ATXN8OS: variants seen among roughly 807,000 people sequenced by gnomAD.
ATXN8OS encodes the protein ATXN8 opposite strand (non-protein coding).
At chr13:70,167,555 A>T (rs1276607075) in intron 4 of ATXN8OS, among the ~76,000 whole-genome samples, 1 of 151,872 alleles carries the variant, frequency 6.6e-6, no homozygotes. Context: ...GATATACCTA[A>T]TGCTAAATGA....
intron 1 of ATXN8OS, among the ~76,000 whole-genome samples, chr13:70,111,185 G>T (rs185206740): frequency 2.0e-5 from 3 of 152,276 alleles, no homozygotes; most frequent in Admixed American, 2.0e-4. Flanking sequence ...AGTCAAGCAT[G>T]GGTGTAAAAT....
At chr13:70,139,181 G>A (rs1231904552) in intron 3 of ATXN8OS, 3 of 411,012 alleles carry the variant, frequency 7.3e-6, no homozygotes, top group Non-Finnish European at 8.6e-6. Context: ...TTACTTCTGA[G>A]ACATTCTATA....
rs1593755731 is a variant in ATXN8OS, at chr13:70,115,014, GCT to G, written n.241-122_241-121del. ...AGACTCCTGGTATTCTCAAAATTGA[GCT>G]CTCTTTCTAACGTGTGTGTGTGTGT... On this transcript the variant is annotated intron_variant and non_coding_transcript_variant, in intron 1 of 4. Coordinates refer to ENST00000678624, the Ensembl canonical transcript of ATXN8OS. The G allele has an allele frequency of 7.2e-5, 28 of 386,520 alleles. No homozygotes were observed. In the East Asian group the frequency reaches 1.0e-3, roughly 14 times the overall value. The allele number at this position is 386,520 out of a possible 1,614,324, so 23.9% of individuals were successfully genotyped here.
At chr13:70,147,471 C>T (rs2137496749) in intron 4 of ATXN8OS, among the ~76,000 whole-genome samples, 1 of 152,216 alleles carries the variant, frequency 6.6e-6, no homozygotes, top group South Asian at 2.1e-4. Flanking sequence ...TTACTCTCTT[C>T]AGTGTTTTCT....
intron 4 of ATXN8OS, among the ~76,000 whole-genome samples, chr13:70,164,586 A>G (rs955863129): frequency 3.3e-5 from 5 of 152,092 alleles, no homozygotes; most frequent in African/African-American, 1.2e-4. Context: ...TCATCTGAGC[A>G]TAAGTGAAGG....
Position 70,139,383 on chromosome 13 carries a change from A to ACTACTACTACTACTACTGCTG in ATXN8OS, n.500-7970_500-7969insACTACTACTACTACTGCTGCT. On this transcript the variant is annotated intron_variant and non_coding_transcript_variant, in intron 3 of 4. Coordinates refer to ENST00000678624, the Ensembl canonical transcript of ATXN8OS. ...TACTACTACTACTACTACTACTACT[A>ACTACTACTACTACTACTGCTG]CTGCTGCTGCTGCTGCTGCTGCTGC... 24 of 458,318 alleles carry ACTACTACTACTACTACTGCTG rather than the reference A, an allele frequency of 5.2e-5. 1 individual carries two copies. Among genetic ancestry groups the ACTACTACTACTACTACTGCTG allele is most frequent in the African/African-American group, 5.0e-4 (16 of 32,210 alleles). The allele number at this position is 458,318 out of a possible 1,614,324, so 28.4% of individuals were successfully genotyped here.
At chr13:70,127,566 T>G (rs1263013525) in intron 2 of ATXN8OS, among the ~76,000 whole-genome samples, 1 of 152,044 alleles carries the variant, frequency 6.6e-6, no homozygotes, top group Non-Finnish European at 1.5e-5. Flanking sequence ...ACATTGAGAA[T>G]ATTGACTTTA....
At chr13:70,160,461 T>G (rs1888993986) in intron 4 of ATXN8OS, among the ~76,000 whole-genome samples, 1 of 151,882 alleles carries the variant, frequency 6.6e-6, no homozygotes, top group Admixed American at 6.6e-5. Context: ...TGGCTGAAGT[T>G]AGTTCGGCAT....
At chr13:70,145,835 T>G (rs1278263327) in intron 3 of ATXN8OS, among the ~76,000 whole-genome samples, 1 of 151,574 alleles carries the variant, frequency 6.6e-6, no homozygotes, top group Non-Finnish European at 1.5e-5. Flanking sequence ...GCAATACCAT[T>G]CAGGACATAG....
At chr13:70,152,280 A>C (rs910429338) in intron 4 of ATXN8OS, among the ~76,000 whole-genome samples, 3 of 151,974 alleles carry the variant, frequency 2.0e-5, no homozygotes, top group African/African-American at 4.8e-5. Context: ...TAAGTACCCT[A>C]TACTTTGACC....
chr13:70,157,473 A>G (rs1406258992), intron 4 of ATXN8OS, among the ~76,000 whole-genome samples: 1 of 149,666 alleles, frequency 6.7e-6, no homozygotes, highest in East Asian at 2.0e-4. Flanking sequence ...TCCTAAGGAA[A>G]GAAGACAGCC....
chr13:70,136,240 T>C (rs1291388126), intron 3 of ATXN8OS, among the ~76,000 whole-genome samples: 3 of 152,202 alleles, frequency 2.0e-5, no homozygotes, highest in Admixed American at 6.5e-5. Context: ...TAGATTTTGG[T>C]TTATGTACTA....
intron 2 of ATXN8OS, among the ~76,000 whole-genome samples, chr13:70,118,284 T>A (rs940255215): frequency 1.8e-4 from 28 of 152,088 alleles, no homozygotes; most frequent in Non-Finnish European, 1.5e-5. Context: ...AGAAATGACA[T>A]TTCACTAAGT....
At chr13:70,126,826 A>T (rs1054211205) in intron 2 of ATXN8OS, among the ~76,000 whole-genome samples, 10 of 151,734 alleles carry the variant, frequency 6.6e-5, no homozygotes, top group African/African-American at 2.4e-4. Flanking sequence ...AGATAACCTT[A>T]TATCTGTATA....
At chr13:70,111,893 G>A (rs1888202818) in intron 1 of ATXN8OS, among the ~76,000 whole-genome samples, 2 of 152,030 alleles carry the variant, frequency 1.3e-5, no homozygotes, top group Non-Finnish European at 2.9e-5. Flanking sequence ...TTTTGTCTTT[G>A]ATTAATTTTA....
chr13:70,121,244 AGG>A (rs1374610150), intron 2 of ATXN8OS, among the ~76,000 whole-genome samples: 2 of 152,118 alleles, frequency 1.3e-5, no homozygotes, highest in African/African-American at 4.8e-5. Flanking sequence ...CAAATTAGAC[AGG>A]GAATGACTAC....
chr13:70,157,029 A>G lies in ATXN8OS; in HGVS notation n.573+9601A>G, dbSNP rs1392417751. On this transcript the variant is annotated intron_variant and non_coding_transcript_variant, in intron 4 of 4. Coordinates refer to ENST00000678624, the Ensembl canonical transcript of ATXN8OS. ...AATAACATACCGTAGATATAAATAT[A>G]ATAATAGAGACAAAAGAATTGTCAC... Among the ~76,000 whole-genome samples the G allele has an allele frequency of 2.6e-5, 4 of 152,192 alleles. No individual in the cohort carries two copies. In the East Asian group the frequency reaches 5.8e-4, roughly 22 times the overall value.
At chr13:70,116,344 A>C (rs1374526830) in intron 2 of ATXN8OS, among the ~76,000 whole-genome samples, 1 of 152,140 alleles carries the variant, frequency 6.6e-6, no homozygotes, top group Non-Finnish European at 1.5e-5. Context: ...AGCTTTAAGT[A>C]ATCTATGTGC....
intron 4 of ATXN8OS, among the ~76,000 whole-genome samples, chr13:70,148,435 T>C (rs1888819201): frequency 6.6e-6 from 1 of 152,098 alleles, no homozygotes; most frequent in Non-Finnish European, 1.5e-5. Context: ...TTGTTCAGTT[T>C]TGTTGAAACT....
Sources: gnomAD v4.1 joint callset for allele counts (sites outside exome capture counted in the v4.1 genomes callset) on GRCh38, gnomAD v4.1.1 for gene constraint, MANE v1.5 for transcripts, NCBI Gene and HGNC (gene_info 2026-07-23, HGNC 2026-07-21) for gene names.